Variants in LDLRAD4 observed in about 807,000 individuals in gnomAD.
LDLRAD4 encodes low-density lipoprotein receptor class A domain-containing protein 4.
In LDLRAD4, 5 loss-of-function variants were observed where a neutral mutation model predicts 17.0. That is an observed-to-expected ratio of 0.29 (90% CI 0.15 to 0.62). The LOEUF is 0.62. Ranked by LOEUF, LDLRAD4 falls within the 20% of genes least tolerant of loss-of-function variation. The pLI is 0.84. For missense variants in LDLRAD4, 340 were observed against 424.7 expected (o/e 0.80, Z 1.75); for synonymous variants, 168 against 171.8 (o/e 0.98, Z 0.17).
intron 3 of LDLRAD4, among the ~76,000 whole-genome samples, chr18:13,535,539 T>C (rs2094190691): frequency 1.3e-5 from 2 of 152,214 alleles, no homozygotes; most frequent in Admixed American, 6.5e-5. Context: ...AAGAAAACTA[T>C]ATATGTTTTG....
rs1405366925 is a variant in LDLRAD4 at position 13,367,896 on chromosome 18, C to T, written c.-382-19445C>T. ...GGACGACTGGGCATGGGGGCGTGTG[C>T]CTGTGGTCACAGCTACTCAGGAGGC... On this transcript the variant is annotated intron_variant, in intron 1 of 5. Coordinates refer to ENST00000359446, the Ensembl canonical transcript of LDLRAD4. This position sits in a 1 kb window ranked among gnomAD's most constrained non-coding sequence, Gnocchi z 4.1. 6.6e-6 allele frequency among the ~76,000 whole-genome samples: 1 copy of T among 151,926 alleles called. No individual in the cohort carries two copies. The highest frequency in any genetic ancestry group is 2.4e-5 in the African/African-American group (1 of 41,344).
At chr18:13,318,914 T>A (rs1350734759) in intron 1 of LDLRAD4, among the ~76,000 whole-genome samples, 1 of 152,186 alleles carries the variant, frequency 6.6e-6, no homozygotes, top group Non-Finnish European at 1.5e-5. Context: ...GCAGTCCCCT[T>A]CCCTAGTGAC....
At chr18:13,485,137 G>A (rs915692276) in intron 3 of LDLRAD4, among the ~76,000 whole-genome samples, 1 of 152,210 alleles carries the variant, frequency 6.6e-6, no homozygotes. Flanking sequence ...GGAGAGTGTC[G>A]GAGCTCCTGC....
intron 2 of LDLRAD4, among the ~76,000 whole-genome samples, chr18:13,390,341 C>G (rs1467655309): frequency 1.3e-5 from 2 of 152,220 alleles, no homozygotes; most frequent in Non-Finnish European, 2.9e-5. Context: ...AGGTGTCACA[C>G]CAACACAGCG....
At chr18:13,357,313 TC>T (rs2083403522) in intron 1 of LDLRAD4, among the ~76,000 whole-genome samples, 1 of 152,144 alleles carries the variant, frequency 6.6e-6, no homozygotes, top group Admixed American at 6.6e-5. Context: ...GCTTAAGTGA[TC>T]CTTCTGCCTT....
chr18:13,558,602 T>C (rs2094508033), intron 3 of LDLRAD4, among the ~76,000 whole-genome samples: 1 of 152,238 alleles, frequency 6.6e-6, no homozygotes, highest in African/African-American at 2.4e-5. Context: ...GGCACATGTA[T>C]GGCTCAGTCG....
chr18:13,418,726 G>T (rs746143979), intron 2 of LDLRAD4, among the ~76,000 whole-genome samples: 15 of 152,166 alleles, frequency 9.9e-5, no homozygotes, highest in Admixed American at 5.9e-4. Flanking sequence ...TTGCAAGTTT[G>T]GTTTCTGAAG....
At chr18:13,268,680 G>A (rs1981402) in intron 1 of LDLRAD4, among the ~76,000 whole-genome samples, 22,206 of 152,244 alleles carry the variant, frequency 0.15, 1,932 homozygotes, top group Admixed American at 0.27. Context: ...GTATTATATT[G>A]TAAACCTGTA....
intron 3 of LDLRAD4, among the ~76,000 whole-genome samples, chr18:13,588,470 A>T (rs2094963769): frequency 6.6e-6 from 1 of 152,230 alleles, no homozygotes; most frequent in South Asian, 2.1e-4. Context: ...TATTACAAAT[A>T]AATTTACAGA....
chr18:13,329,236 C>T (rs1369966714), intron 1 of LDLRAD4, among the ~76,000 whole-genome samples: 6 of 152,136 alleles, frequency 3.9e-5, no homozygotes, highest in Admixed American at 3.3e-4. Flanking sequence ...ATTACTGAGG[C>T]CCATCTTTAG....
intron 1 of LDLRAD4, among the ~76,000 whole-genome samples, chr18:13,324,037 C>A (rs1288828093): frequency 6.6e-6 from 1 of 151,956 alleles, no homozygotes; most frequent in Non-Finnish European, 1.5e-5. Flanking sequence ...TGCACTCCAT[C>A]CTGGGCAAGA....
chr18:13,348,948 C>G (rs549206111), intron 1 of LDLRAD4, among the ~76,000 whole-genome samples: 1 of 152,192 alleles, frequency 6.6e-6, no homozygotes, highest in Non-Finnish European at 1.5e-5. Flanking sequence ...GGGAGAGTGA[C>G]CCGATTTTCC....
intron 3 of LDLRAD4, among the ~76,000 whole-genome samples, chr18:13,564,595 A>C (rs1185336846): frequency 6.2e-4 from 94 of 151,344 alleles, no homozygotes; most frequent in African/African-American, 2.3e-3. Context: ...AAAAAAAAAA[A>C]AAAAAAAAAA....
chr18:13,595,161 TC>T (rs1385545866), intron 3 of LDLRAD4, among the ~76,000 whole-genome samples: 11 of 152,128 alleles, frequency 7.2e-5, no homozygotes, highest in Non-Finnish European at 1.6e-4. Context: ...CTTAATTTTT[TC>T]TGTCTTGTTC....
At chr18:13,557,316 A>C (rs975016021) in intron 3 of LDLRAD4, among the ~76,000 whole-genome samples, 1 of 152,238 alleles carries the variant, frequency 6.6e-6, no homozygotes, top group Non-Finnish European at 1.5e-5. Flanking sequence ...ATAAGCAAAA[A>C]ACTAGACTTT....
intron 2 of LDLRAD4, among the ~76,000 whole-genome samples, chr18:13,436,725 G>A (rs1218111392): frequency 6.6e-6 from 1 of 152,224 alleles, no homozygotes; most frequent in Non-Finnish European, 1.5e-5. Context: ...CTTATGGAAA[G>A]AGAGCGTTTG....
chr18:13,526,067 G>A (rs757966828), intron 3 of LDLRAD4: 1 of 152,132 alleles, frequency 6.6e-6, no homozygotes, highest in Non-Finnish European at 1.5e-5. Context: ...TTTTATTTTG[G>A]GGGGAAGGGA....
chr18:13,605,682 T>C (rs749926593), intron 3 of LDLRAD4, among the ~76,000 whole-genome samples: 7 of 152,182 alleles, frequency 4.6e-5, no homozygotes, highest in Non-Finnish European at 1.0e-4. Context: ...AGGAGGACAG[T>C]GTTACTGCTC....
intron 3 of LDLRAD4, among the ~76,000 whole-genome samples, chr18:13,573,096 T>C (rs2094715769): frequency 6.6e-6 from 1 of 152,214 alleles, no homozygotes; most frequent in Non-Finnish European, 1.5e-5. Flanking sequence ...TTATTTTATT[T>C]TTATTTTTAT....
Sources: gnomAD v4.1 joint callset for allele counts (sites outside exome capture counted in the v4.1 genomes callset) on GRCh38, gnomAD v4.1.1 for gene constraint, Gnocchi (gnomAD v3.1) non-coding constraint, MANE v1.5 for transcripts, NCBI Gene and HGNC (gene_info 2026-07-23, HGNC 2026-07-21) for gene names.